PTPRQ: variants seen among roughly 807,000 people sequenced by gnomAD.
The protein encoded by PTPRQ is protein tyrosine phosphatase receptor type Q, also known as phosphatidylinositol phosphatase PTPRQ.
A neutral mutation model predicts 246.0 loss-of-function variants in PTPRQ; 199 were observed. The observed-to-expected ratio is 0.81, with a 90% CI of 0.72 to 0.91. The LOEUF is 0.91. Among genes scored for constraint, PTPRQ ranks in the 40% least tolerant of loss-of-function variants. PTPRQ has a pLI of 0.00. For missense variants in PTPRQ, 2,624 were observed against 2,528.4 expected (o/e 1.04, Z -0.81); for synonymous variants, 869 against 853.2 (o/e 1.02, Z -0.32).
intron 23 of PTPRQ, among the ~76,000 whole-genome samples, chr12:80,543,325 C>T (rs1034948771): frequency 1.6e-4 from 20 of 122,720 alleles, no homozygotes; most frequent in African/African-American, 6.1e-4. Context: ...TGGTCTTTTA[C>T]GATATATCCT....
chr12:80,449,535 C>G (rs898391868), intron 3 of PTPRQ, among the ~76,000 whole-genome samples: 32 of 152,034 alleles, frequency 2.1e-4, no homozygotes, highest in Admixed American at 2.0e-3. Context: ...TTTAATCCAT[C>G]TTGAATTGAT....
intron 8 of PTPRQ, among the ~76,000 whole-genome samples, chr12:80,473,097 A>C (rs1389247930): frequency 2.0e-5 from 3 of 151,510 alleles, no homozygotes; most frequent in African/African-American, 7.3e-5. Flanking sequence ...TTCATCGTTC[A>C]AGCGTTTGAC....
intron 20 of PTPRQ, among the ~76,000 whole-genome samples, chr12:80,540,565 A>G (rs372534872): frequency 6.6e-6 from 1 of 152,218 alleles, no homozygotes; most frequent in African/African-American, 2.4e-5. Context: ...TTATTTTCAA[A>G]GATTAATCCC....
At chr12:80,465,134 A>G (rs1218565944) in intron 6 of PTPRQ, 1 of 145,314 alleles carries the variant, frequency 6.9e-6, no homozygotes, top group Admixed American at 7.0e-5. Flanking sequence ...GAAAAGAGAG[A>G]AGAATCAAAT....
At chr12:80,531,298 C>T (rs1208245693) in intron 17 of PTPRQ, among the ~76,000 whole-genome samples, 2 of 151,920 alleles carry the variant, frequency 1.3e-5, no homozygotes, top group African/African-American at 4.8e-5. Context: ...GGATATAGAA[C>T]ATATGCTTTT....
At position 80,445,555 on chromosome 12, in the gene PTPRQ, G is replaced by A; in HGVS notation, c.228G>A (p.Trp76Ter). 9.0e-6 allele frequency: 14 copies of A among 1,549,686 alleles called. No individual in the cohort carries two copies. The highest frequency in any genetic ancestry group is 1.2e-5 in the Non-Finnish European group (14 of 1,145,856). ...GATCTGCTGGGATTCTTCTGTCTTG[G>A]AATACACCACCTAATCCAAATGGAA... Reference protein sequence around the residue: ...RVGSAGILLSWNTPPNPNGRI... With the variant: ...RVGSAGILLS The change falls in exon 3 of 45, where the codon TGG (tryptophan) becomes TGA (stop). Residue 76 changes from tryptophan to a stop codon, truncating the protein, a stop_gained. Transcript: ENST00000644991. LOFTEE classifies it high-confidence loss of function.
chr12:80,616,096 A>T (rs35026481), intron 29 of PTPRQ, 104 bp from the exon 30 acceptor site: 8 of 567,196 alleles, frequency 1.4e-5, no homozygotes, highest in Non-Finnish European at 1.9e-5. Context: ...TATATATATA[A>T]CTATATATAT....
At position 80,658,056 on chromosome 12, in the gene PTPRQ, A is replaced by G. The variant is rs1016217405; in HGVS notation, c.6187A>G (p.Ile2063Val). The change falls in exon 39 of 45, where the codon ATT (isoleucine) becomes GTT (valine). Residue 2063 changes from isoleucine to valine, a missense_variant. Coordinates refer to ENST00000644991, the MANE Select transcript of PTPRQ (RefSeq NM_001145026.2). ...TTCGGATTATATTAATGCCAGCTATATTTCTGTAAGTTACTATTTTATATA... is the reference window on the plus strand; with the variant it reads ...TTCGGATTATATTAATGCCAGCTATGTTTCTGTAAGTTACTATTTTATATA... ...PGSDYINASY[I>V]SGYLCPNEFI... 10 of 1,384,530 alleles carry G rather than the reference A, an allele frequency of 7.2e-6. No homozygotes were observed. Among genetic ancestry groups the G allele is most frequent in the Middle Eastern group, 2.4e-4 (1 of 4,164 alleles). 85.8% of individuals were successfully genotyped at this position (1,384,530 alleles called of 1,614,324 possible). A position where few individuals can be genotyped will look rare whatever the true frequency, so the allele number is the denominator to read the frequency against.
At chr12:80,465,275 G>T (rs1007754279) in intron 6 of PTPRQ, 1 of 152,134 alleles carries the variant, frequency 6.6e-6, no homozygotes, top group Non-Finnish European at 1.5e-5. Context: ...TAAATTTTTC[G>T]ACACATACAC....
chr12:80,654,663 T>C (rs1217707016), intron 38 of PTPRQ, among the ~76,000 whole-genome samples: 5 of 146,336 alleles, frequency 3.4e-5, no homozygotes, highest in African/African-American at 1.3e-4. Flanking sequence ...GCCTGGCAAA[T>C]GTGGTGAAAC....
chr12:80,636,527 C>T (rs181542782), intron 35 of PTPRQ, among the ~76,000 whole-genome samples: 33 of 152,300 alleles, frequency 2.2e-4, no homozygotes, highest in Non-Finnish European at 3.7e-4. Context: ...TCGTCAGTTC[C>T]TTTTGCCCCT....
intron 17 of PTPRQ, among the ~76,000 whole-genome samples, chr12:80,526,682 T>C (rs1592616316): frequency 6.6e-6 from 1 of 152,248 alleles, no homozygotes; most frequent in East Asian, 1.9e-4. Flanking sequence ...AACAATATTA[T>C]AAATTTGTAG....
chr12:80,574,880 T>C (rs1440626507), intron 25 of PTPRQ, among the ~76,000 whole-genome samples: 1 of 152,206 alleles, frequency 6.6e-6, no homozygotes, highest in African/African-American at 2.4e-5. Context: ...ATTAAAATAT[T>C]AGGCAAGGAT....
chr12:80,641,963 TTC>T (rs1426570722), intron 35 of PTPRQ, among the ~76,000 whole-genome samples: 1 of 127,814 alleles, frequency 7.8e-6, no homozygotes, highest in African/African-American at 3.3e-5. Context: ...CTCTTTTTTC[TTC>T]TTTCTTTCTT....
Position 80,538,915 on chromosome 12 carries a change from A to C in PTPRQ, c.2986-861A>C, listed in dbSNP as rs1431087944. 3.3e-5 allele frequency among the ~76,000 whole-genome samples: 5 copies of C among 152,306 alleles called. No individual in the cohort carries two copies. The East Asian group carries it at 9.7e-4, about 29-fold the overall frequency. On this transcript the variant is annotated intron_variant, in intron 19 of 44. Transcript: ENST00000644991. ...AGCTTTGAGATTAAATGATTTATCC[A>C]GGATACCCTGACAGAATTTGAATGC...
At chr12:80,514,945 T>C (rs1895247028) in intron 17 of PTPRQ, among the ~76,000 whole-genome samples, 1 of 148,688 alleles carries the variant, frequency 6.7e-6, no homozygotes, top group Admixed American at 6.7e-5. Flanking sequence ...ATGTAATATA[T>C]ATAATTAAAT....
At chr12:80,593,370 A>G (rs1897866383) in intron 26 of PTPRQ, among the ~76,000 whole-genome samples, 1 of 152,204 alleles carries the variant, frequency 6.6e-6, no homozygotes, top group African/African-American at 2.4e-5. Context: ...ATCTGAGCCC[A>G]TAACAAAGAG....
rs1341358504 is a variant in PTPRQ, at chr12:80,465,741, C to T, written c.911-2969C>T. ...AATGTAATCCAGCATATAAACAGAA[C>T]CAAAGACAAAAACCACATGATTATC... On this transcript the variant is annotated intron_variant, in intron 6 of 44. Transcript: ENST00000644991. Among the ~76,000 whole-genome samples, 6 of 151,874 alleles carry T rather than the reference C, an allele frequency of 4.0e-5. No homozygotes were observed. The South Asian group carries it at 1.2e-3, about 32-fold the overall frequency.
intron 14 of PTPRQ, among the ~76,000 whole-genome samples, chr12:80,497,360 G>C (rs1894661236): frequency 6.6e-6 from 1 of 151,926 alleles, no homozygotes; most frequent in Non-Finnish European, 1.5e-5. Flanking sequence ...ATTCACAATA[G>C]AGTTTGCGCT....
Sources: gnomAD v4.1 joint callset for allele counts (sites outside exome capture counted in the v4.1 genomes callset) on GRCh38, gnomAD v4.1.1 for gene constraint, MANE v1.5 for transcripts, NCBI Gene and HGNC (gene_info 2026-07-23, HGNC 2026-07-21) for gene names.